The following PCDHGA7 variants were observed in gnomAD, a reference collection of about 807,000 sequenced individuals.
The protein encoded by PCDHGA7 is protocadherin gamma-A7.
In PCDHGA7, 44 loss-of-function variants were observed where a neutral mutation model predicts 58.3. The ratio of observed to expected loss-of-function variants is 0.75; its 90% CI spans 0.59 to 0.97. The LOEUF (loss-of-function observed/expected upper bound fraction) is 0.97. Among genes scored for constraint, PCDHGA7 ranks in the 50% least tolerant of loss-of-function variants. The probability of loss-of-function intolerance (pLI) is 0.00; values close to 1 mark genes in which losing one functional copy is unlikely to be tolerated. For synonymous variants in PCDHGA7, 516 were observed against 504.2 expected, an observed-to-expected ratio of 1.02 and a Z score of -0.31; for missense variants, 1,266 against 1,188.7, an observed-to-expected ratio of 1.06 and a Z score of -0.96.
rs2099749632 is a variant in PCDHGA7, at chr5:141,493,698, C to T, written c.2425-1109C>T. The stretch of plus-strand genomic sequence containing the variant: ...AGAATGGTGCTGGTGACTCCCGATA[C>T]ACCTGGAATGCTAGGTTTCTGGGTT... On this transcript the variant is annotated intron_variant, in intron 1 of 3. Transcript: ENST00000518325. This position sits in a 1 kb window ranked among gnomAD's most constrained non-coding sequence, Gnocchi z 4.3. Among the ~76,000 whole-genome samples the T allele has an allele frequency of 6.6e-6, 1 of 152,208 alleles. No individual in the cohort carries two copies. Among genetic ancestry groups the T allele is most frequent in the Non-Finnish European group, 1.5e-5 (1 of 68,034 alleles).
intron 1 of PCDHGA7, chr5:141,394,001 G>T: frequency 6.2e-7 from 1 of 1,613,458 alleles, no homozygotes; most frequent in Non-Finnish European, 8.5e-7. Flanking sequence ...AATTAGAAAA[G>T]TCAATAGGTA....
rs775712620 is a variant in PCDHGA7, at chr5:141,491,341, G to T, written c.2425-3466G>T. 1 of 1,613,982 alleles carries T rather than the reference G, an allele frequency of 6.2e-7. No homozygotes were observed. The highest frequency in any genetic ancestry group is 8.5e-7 in the Non-Finnish European group (1 of 1,180,016). ...TTACCTCATTGTGGCTCTAGCGACC[G>T]TCAGTCTCTTATCCCTAGTCACCTT... On this transcript the variant is annotated intron_variant, in intron 1 of 3. Coordinates refer to ENST00000518325, the MANE Select transcript of PCDHGA7 (RefSeq NM_018920.4). The surrounding 1 kb of genome is among the most constrained non-coding windows in gnomAD (Gnocchi z 6.9).
intron 1 of PCDHGA7, among the ~76,000 whole-genome samples, chr5:141,494,568 C>T (rs2099755322): frequency 6.6e-6 from 1 of 152,138 alleles, no homozygotes; most frequent in African/African-American, 2.4e-5. Context: ...GGAAAGGAGT[C>T]TCAGCTTGCT....
intron 1 of PCDHGA7, among the ~76,000 whole-genome samples, chr5:141,396,897 T>C (rs1337739986): frequency 1.3e-5 from 2 of 152,220 alleles, no homozygotes; most frequent in African/African-American, 4.8e-5. Flanking sequence ...CAACATATTA[T>C]TGGCACTTTG....
At chr5:141,457,289 G>C (rs907200077) in intron 1 of PCDHGA7, among the ~76,000 whole-genome samples, 2 of 152,146 alleles carry the variant, frequency 1.3e-5, no homozygotes, top group African/African-American at 4.8e-5. Flanking sequence ...GAAGTTCCTT[G>C]GTTTTATTTT....
At chr5:141,414,489 G>A (rs754325517) in intron 1 of PCDHGA7, 33 of 1,613,754 alleles carry the variant, frequency 2.0e-5, no homozygotes, top group Middle Eastern at 1.6e-4. Flanking sequence ...CTCTATCAAC[G>A]GAAGCTCACT....
At chr5:141,464,251 C>G (rs1438610569) in intron 1 of PCDHGA7, among the ~76,000 whole-genome samples, 1 of 141,396 alleles carries the variant, frequency 7.1e-6, no homozygotes, top group African/African-American at 2.7e-5. Context: ...GGCTACAGAG[C>G]GAGACTCCGT....
At chr5:141,443,790 T>A (rs1178101439) in intron 1 of PCDHGA7, among the ~76,000 whole-genome samples, 2 of 151,832 alleles carry the variant, frequency 1.3e-5, no homozygotes, top group Admixed American at 6.6e-5. Flanking sequence ...ACAAAAAAAA[T>A]GAAAAGGAAA....
chr5:141,390,234 G>A (rs1357417854), intron 1 of PCDHGA7: 15 of 1,614,046 alleles, frequency 9.3e-6, no homozygotes, highest in Non-Finnish European at 1.3e-5. Context: ...TGATTCATCT[G>A]GGGCCTTATT....
In PCDHGA7 at chr5:141,431,320, C is replaced by A. The variant is rs993831541; in HGVS notation, c.2424+45997C>A. ...CCCTCATCGTGCAAAATGGAGCCGA[C>A]GGTAGTAAGTACCCCGAATTGGTGC... On this transcript the variant is annotated intron_variant, in intron 1 of 3. Transcript: ENST00000518325. This position sits in a 1 kb window ranked among gnomAD's most constrained non-coding sequence, Gnocchi z 4.8. 1 of 1,614,102 alleles carries A rather than the reference C, an allele frequency of 6.2e-7. No individual in the cohort carries two copies. The highest frequency in any genetic ancestry group is 1.7e-5 in the Admixed American group (1 of 60,032).
Position 141,487,291 on chromosome 5 carries a change from C to T in PCDHGA7, c.2425-7516C>T, listed in dbSNP as rs748961925. The stretch of plus-strand genomic sequence containing the variant: ...TGGCAATTTGCTTTGTCTCCTTTGG[C>T]TCATTCGTGGCACTACTCTCTAAGT... On this transcript the variant is annotated intron_variant, in intron 1 of 3. Transcript: ENST00000518325. This position sits in a 1 kb window ranked among gnomAD's most constrained non-coding sequence, Gnocchi z 5.0. The T allele has an allele frequency of 1.9e-5, 30 of 1,614,036 alleles. No homozygotes were observed. Among genetic ancestry groups the T allele is most frequent in the Non-Finnish European group, 2.5e-5 (30 of 1,180,020 alleles).
At position 141,477,290 on chromosome 5, in the gene PCDHGA7, C is replaced by T; in HGVS notation, c.2425-17517C>T. 5 of 1,614,158 alleles carry T rather than the reference C, an allele frequency of 3.1e-6. No individual in the cohort carries two copies. In the South Asian group the frequency reaches 5.5e-5, roughly 18 times the overall value. On this transcript the variant is annotated intron_variant, in intron 1 of 3. Coordinates refer to ENST00000518325, the MANE Select transcript of PCDHGA7 (RefSeq NM_018920.4). The surrounding 1 kb of genome is among the most constrained non-coding windows in gnomAD (Gnocchi z 4.9). ...GAACGGGCTGGTGACCTGCGAAGTT[C>T]CACCGGGTCTCCCTTTCAGCCTTAC...
chr5:141,422,156 T>C, intron 1 of PCDHGA7: 2 of 1,573,504 alleles, frequency 1.3e-6, no homozygotes, highest in Non-Finnish European at 8.6e-7. Flanking sequence ...TCTCTGGATT[T>C]TGAAAAATAT....
In PCDHGA7 at chr5:141,415,715, T is replaced by G. The variant is rs1051923200; in HGVS notation, c.2424+30392T>G. 4 of 1,428,132 alleles carry G rather than the reference T, an allele frequency of 2.8e-6. No individual in the cohort carries two copies. In the African/African-American group the frequency reaches 4.5e-5, roughly 16 times the overall value. The allele number at this position is 1,428,132 out of a possible 1,614,324, so 88.5% of individuals were successfully genotyped here. Reference sequence around the variant, plus strand: ...GAAAGTGTAAATGCTAAAACACTGATGAGTAGAATTTGATGTTTATTAAGG... The same window carrying G: ...GAAAGTGTAAATGCTAAAACACTGAGGAGTAGAATTTGATGTTTATTAAGG... On this transcript the variant is annotated intron_variant, in intron 1 of 3. Transcript: ENST00000518325.
At chr5:141,413,270 C>T (rs2095621736) in intron 1 of PCDHGA7, 5 of 1,613,924 alleles carry the variant, frequency 3.1e-6, no homozygotes, top group Non-Finnish European at 4.2e-6. Flanking sequence ...GAGGCTGGAG[C>T]CCGGCAGATC....
In PCDHGA7 at chr5:141,399,480, G is replaced by T. The variant is rs760135566; in HGVS notation, c.2424+14157G>T. ...ATAACGCTCCGGTTTTCCACCAGGC[G>T]TCCTACTTAGTCAGTGTACCCGAAA... On this transcript the variant is annotated intron_variant, in intron 1 of 3. Coordinates refer to ENST00000518325, the MANE Select transcript of PCDHGA7 (RefSeq NM_018920.4). The T allele has an allele frequency of 1.9e-5, 31 of 1,613,886 alleles. No homozygotes were observed. In the South Asian group the frequency reaches 3.2e-4, roughly 17 times the overall value.
chr5:141,398,985 A>T, intron 1 of PCDHGA7: 1 of 1,613,964 alleles, frequency 6.2e-7, no homozygotes, highest in Non-Finnish European at 8.5e-7. Flanking sequence ...GAACCGGGCA[A>T]ATCTTTAGTC....
chr5:141,498,726 G>T (rs2099785379), intron 2 of PCDHGA7, among the ~76,000 whole-genome samples: 1 of 152,172 alleles, frequency 6.6e-6, no homozygotes, highest in Admixed American at 6.5e-5. Context: ...GAGGTCAGGA[G>T]TTTGAGACCA....
intron 1 of PCDHGA7, among the ~76,000 whole-genome samples, chr5:141,436,742 G>A (rs568532036): frequency 3.9e-4 from 59 of 152,304 alleles, no homozygotes; most frequent in Non-Finnish European, 7.1e-4. Flanking sequence ...ATTTTTGTGT[G>A]CTTCTCCATA....
Sources: allele counts gnomAD v4.1 joint callset (sites outside exome capture counted in the v4.1 genomes callset), GRCh38; gene constraint gnomAD v4.1.1; non-coding constraint Gnocchi (gnomAD v3.1); transcripts MANE v1.5; gene names NCBI Gene and HGNC (gene_info 2026-07-23, HGNC 2026-07-21).